SCUBE3: variants seen among roughly 807,000 people sequenced by gnomAD.
SCUBE3 encodes signal peptide, CUB domain and EGF like domain containing 3.
SCUBE3 carries 33 observed loss-of-function variants against 116.8 expected under a neutral mutation model. The ratio of observed to expected loss-of-function variants is 0.28; its 90% confidence interval spans 0.21 to 0.38. SCUBE3 has a LOEUF of 0.38. Among genes scored for constraint, SCUBE3 ranks in the 10% least tolerant of loss-of-function variants. SCUBE3 has a pLI of 1.00. For synonymous variants in SCUBE3, 418 were observed against 496.9 expected, an observed-to-expected ratio of 0.84 and a Z score of 2.11; for missense variants, 1,007 against 1,324.8, an observed-to-expected ratio of 0.76 and a Z score of 3.72.
rs1328007480 is a variant in SCUBE3, at chr6:35,245,488, A to G, written c.2599+63A>G. 4.4e-6 allele frequency: 6 copies of G among 1,367,392 alleles called. No individual in the cohort carries two copies. Among genetic ancestry groups the G allele is most frequent in the East Asian group, 4.6e-5 (2 of 43,660 alleles). 84.7% of individuals were successfully genotyped at this position (1,367,392 alleles called of 1,614,324 possible). On this transcript the variant is annotated intron_variant, in intron 19 of 21. Coordinates refer to ENST00000274938, the MANE Select transcript of SCUBE3 (RefSeq NM_152753.4). This position sits in a 1 kb window ranked among gnomAD's most constrained non-coding sequence, Gnocchi z 4.2. ...CCAAATCTGGTTAAGGCGGAGAACAAAGAGAGAGACTGATACAGGAAGAAA... is the reference window on the plus strand; with the variant it reads ...CCAAATCTGGTTAAGGCGGAGAACAGAGAGAGAGACTGATACAGGAAGAAA...
chr6:35,243,861 G>A lies in SCUBE3; in HGVS notation c.2072-102G>A. On this transcript the variant is annotated intron_variant, in intron 16 of 21. Transcript: ENST00000274938. The surrounding 1 kb of genome is among the most constrained non-coding windows in gnomAD (Gnocchi z 6.6). ...GCCCAGGCTCCAGGCCACTCTCTTA[G>A]TCAACATCCTGTTTGTATACCTTTG... The A allele has an allele frequency of 6.5e-7, 1 of 1,535,526 alleles. No individual in the cohort carries two copies. The highest frequency in any genetic ancestry group is 8.9e-7 in the Non-Finnish European group (1 of 1,121,954).
chr6:35,227,437 G>A (rs952411163), intron 1 of SCUBE3, 143 bp from the exon 2 acceptor site: 102 of 785,364 alleles, frequency 1.3e-4, no homozygotes, highest in Non-Finnish European at 2.1e-4. Context: ...AAATCAGAGA[G>A]ATGTGAGACA....
intron 1 of SCUBE3, among the ~76,000 whole-genome samples, chr6:35,216,843 A>G (rs1782913332): frequency 6.6e-6 from 1 of 152,100 alleles, no homozygotes; most frequent in Non-Finnish European, 1.5e-5. Flanking sequence ...GATTCCCACA[A>G]TGGGAAAACC....
chr6:35,243,341 C>A lies in SCUBE3; in HGVS notation c.1909+105C>A. 1 of 1,038,524 alleles carries A rather than the reference C, an allele frequency of 9.6e-7. No homozygotes were observed. The highest frequency in any genetic ancestry group is 1.4e-5 in the South Asian group (1 of 71,162). The allele number at this position is 1,038,524 out of a possible 1,614,324, so 64.3% of individuals were successfully genotyped here. A position where few individuals can be genotyped will look rare whatever the true frequency, so the allele number is the denominator to read the frequency against. On this transcript the variant is annotated intron_variant, in intron 15 of 21. Coordinates refer to ENST00000274938, the MANE Select transcript of SCUBE3 (RefSeq NM_152753.4). The surrounding 1 kb of genome is among the most constrained non-coding windows in gnomAD (Gnocchi z 6.6). ...CAGATGCATTTCTCAAATTATGAGG[C>A]AGCCAGGATGCTCCTGCCCGCTGTC...
rs1342574010 is a variant in SCUBE3, at chr6:35,232,714, A to G, written c.470-136A>G. Reference sequence around the variant, plus strand: ...GGAAGACAGGAGGCCTGGGACAAGGAGAGTCAGTCCCCTCGTGTTGAATTC... The same window carrying G: ...GGAAGACAGGAGGCCTGGGACAAGGGGAGTCAGTCCCCTCGTGTTGAATTC... On this transcript the variant is annotated intron_variant, in intron 4 of 21. Transcript: ENST00000274938. The surrounding 1 kb of genome is among the most constrained non-coding windows in gnomAD (Gnocchi z 4.2). 1.2e-6 allele frequency: 1 copy of G among 806,494 alleles called. No homozygotes were observed. Among genetic ancestry groups the G allele is most frequent in the Non-Finnish European group, 2.0e-6 (1 of 497,182 alleles). The allele number at this position is 806,494 out of a possible 1,614,324, so 50.0% of individuals were successfully genotyped here.
At chr6:35,221,838 G>A (rs560843693) in intron 1 of SCUBE3, 2 of 152,390 alleles carry the variant, frequency 1.3e-5, no homozygotes, top group East Asian at 3.9e-4. Context: ...CAGGTGACCA[G>A]AGAGCCTGAC....
At chr6:35,248,514 C>A (rs757973538) in intron 21 of SCUBE3, 42 bp from the exon 22 acceptor site, 8 of 1,605,756 alleles carry the variant, frequency 5.0e-6, no homozygotes, top group Non-Finnish European at 6.8e-6. Context: ...CTTTCCCACC[C>A]CCGACGGTGA....
In SCUBE3 at chr6:35,241,076, G is replaced by A; in HGVS notation, c.1070-65G>A. 2 of 1,512,316 alleles carry A rather than the reference G, an allele frequency of 1.3e-6. No individual in the cohort carries two copies. The highest frequency in any genetic ancestry group is 1.8e-6 in the Non-Finnish European group (2 of 1,112,616). The allele number at this position is 1,512,316 out of a possible 1,614,324, so 93.7% of individuals were successfully genotyped here. A position where few individuals can be genotyped will look rare whatever the true frequency, so the allele number is the denominator to read the frequency against. ...CTCTAACCAAAGGCCCTCACTCACTGCCTACTCTCCGGCTCCTCCTCCAAC... is the reference window on the plus strand; with the variant it reads ...CTCTAACCAAAGGCCCTCACTCACTACCTACTCTCCGGCTCCTCCTCCAAC... On this transcript the variant is annotated intron_variant, in intron 9 of 21. Transcript: ENST00000274938. The surrounding 1 kb of genome is among the most constrained non-coding windows in gnomAD (Gnocchi z 4.1).
rs1373928656 is a variant in SCUBE3 at position 35,240,599 on chromosome 6, A to G, written c.1069+109A>G. On this transcript the variant is annotated intron_variant, in intron 9 of 21. Transcript: ENST00000274938. The surrounding 1 kb of genome is among the most constrained non-coding windows in gnomAD (Gnocchi z 4.6). ...GTGGCTATGGGCAATCCCTGGATGC[A>G]TGCACCATGTCTGCATCCGCTGTGA... 1.7e-6 allele frequency: 1 copy of G among 582,856 alleles called. No homozygotes were observed. Among genetic ancestry groups the G allele is most frequent in the Non-Finnish European group, 3.1e-6 (1 of 325,128 alleles). 36.1% of individuals were successfully genotyped at this position (582,856 alleles called of 1,614,324 possible).
rs1195378098 is a variant in SCUBE3 at position 35,235,163 on chromosome 6, C to T, written c.712+1862C>T. On this transcript the variant is annotated intron_variant, in intron 6 of 21. Transcript: ENST00000274938. This position sits in a 1 kb window ranked among gnomAD's most constrained non-coding sequence, Gnocchi z 4.5. ...AGTAAGACTTGAGGGTGCATCCCAG[C>T]TTAGGCTTGAGCATGCTCTGTGGTA... Among the ~76,000 whole-genome samples the T allele has an allele frequency of 6.6e-6, 1 of 152,184 alleles. No individual in the cohort carries two copies. The highest frequency in any genetic ancestry group is 1.5e-5 in the Non-Finnish European group (1 of 68,044).
In SCUBE3 at chr6:35,239,895, G is replaced by A. The variant is rs1227641513; in HGVS notation, c.952+21G>A. 4 of 1,585,272 alleles carry A rather than the reference G, an allele frequency of 2.5e-6. No individual in the cohort carries two copies. The South Asian group carries it at 4.7e-5, about 18-fold the overall frequency. ...CCAGGGTGAGCAGACTCAGCCAAAG[G>A]TGAAAGCCTTAGGAGAGGTTCTTGT... On this transcript the variant is annotated intron_variant, in intron 8 of 21. Transcript: ENST00000274938. This position sits in a 1 kb window ranked among gnomAD's most constrained non-coding sequence, Gnocchi z 4.1.
At chr6:35,229,240 T>A (rs1473358993) in intron 3 of SCUBE3, among the ~76,000 whole-genome samples, 1 of 152,022 alleles carries the variant, frequency 6.6e-6, no homozygotes, top group Non-Finnish European at 1.5e-5. Context: ...GAGACCCTGT[T>A]TCTACAAAAA....
Position 35,241,364 on chromosome 6 carries a change from A to G in SCUBE3, c.1195+98A>G. On this transcript the variant is annotated intron_variant, in intron 10 of 21. Transcript: ENST00000274938. The surrounding 1 kb of genome is among the most constrained non-coding windows in gnomAD (Gnocchi z 4.1). ...GAGTATCACATTGGGGAAAGGTGTG[A>G]GGTGGAAAGGGTGGAGAATGTAGCC... 7.2e-7 allele frequency: 1 copy of G among 1,383,454 alleles called. No individual in the cohort carries two copies. Among genetic ancestry groups the G allele is most frequent in the Non-Finnish European group, 1.0e-6 (1 of 996,174 alleles). The allele number at this position is 1,383,454 out of a possible 1,614,324, so 85.7% of individuals were successfully genotyped here. A position where few individuals can be genotyped will look rare whatever the true frequency, so the allele number is the denominator to read the frequency against.
In SCUBE3 at chr6:35,241,303, C is replaced by T. The variant is rs1188205571; in HGVS notation, c.1195+37C>T. 1 of 1,567,396 alleles carries T rather than the reference C, an allele frequency of 6.4e-7. No individual in the cohort carries two copies. ...CCTCTGCTGGCCAAAGATGACACTG[C>T]CATTTCAGGGAGCAGTTGGGGTTCT... On this transcript the variant is annotated intron_variant, in intron 10 of 21. Transcript: ENST00000274938. The surrounding 1 kb of genome is among the most constrained non-coding windows in gnomAD (Gnocchi z 4.1).
chr6:35,217,263 G>GGGGGGT (rs1782957391), intron 1 of SCUBE3, among the ~76,000 whole-genome samples: 1 of 101,492 alleles, frequency 9.9e-6, no homozygotes, highest in African/African-American at 4.6e-5. Flanking sequence ...CGGGGGGGGG[G>GGGGGGT]GTGTGTGCAG....
intron 12 of SCUBE3, 29 bp from the exon 13 acceptor site, chr6:35,242,175 A>G (rs2150311205): frequency 6.6e-7 from 1 of 1,522,420 alleles, no homozygotes. Context: ...GGCATCCCAT[A>G]CTGTGCTGAG....
At chr6:35,242,850 A>C in intron 14 of SCUBE3, 70 bp downstream of exon 14, 9 of 1,576,368 alleles carry the variant, frequency 5.7e-6, no homozygotes, top group Non-Finnish European at 7.8e-6. Flanking sequence ...CACAGGTCTC[A>C]GCAGCAAAAG....
At chr6:35,242,145 C>G (rs1452189155) in intron 12 of SCUBE3, 59 bp from the exon 13 acceptor site, 2 of 1,271,096 alleles carry the variant, frequency 1.6e-6, no homozygotes, top group African/African-American at 2.9e-5. Context: ...ACAACCCCTA[C>G]GGCACCCCCG....
rs961007294 is a variant in SCUBE3 at position 35,240,736 on chromosome 6, C to T, written c.1069+246C>T. Reference sequence around the variant, plus strand: ...CTATAACTGTCCCTGAACCCCCACTCTCAGCTCCCAAATGACAGTCTCACT... The same window carrying T: ...CTATAACTGTCCCTGAACCCCCACTTTCAGCTCCCAAATGACAGTCTCACT... On this transcript the variant is annotated intron_variant, in intron 9 of 21. Transcript: ENST00000274938. The surrounding 1 kb of genome is among the most constrained non-coding windows in gnomAD (Gnocchi z 4.6). Among the ~76,000 whole-genome samples the T allele has an allele frequency of 6.6e-6, 1 of 152,222 alleles. No individual in the cohort carries two copies. Among genetic ancestry groups the T allele is most frequent in the Non-Finnish European group, 1.5e-5 (1 of 68,050 alleles).
Sources: allele counts gnomAD v4.1 joint callset (sites outside exome capture counted in the v4.1 genomes callset), GRCh38; gene constraint gnomAD v4.1.1; non-coding constraint Gnocchi (gnomAD v3.1); transcripts MANE v1.5; gene names NCBI Gene and HGNC (gene_info 2026-07-23, HGNC 2026-07-21).